Variants in FARP1 observed in about 807,000 individuals in gnomAD.
The protein encoded by FARP1 is FERM, ARH/RhoGEF and pleckstrin domain protein 1, also known as FERM, ARHGEF and pleckstrin domain-containing protein 1.
A neutral mutation model predicts 128.8 loss-of-function variants in FARP1; 52 were observed. The ratio of observed to expected loss-of-function variants is 0.40; its 90% CI spans 0.32 to 0.51. The LOEUF is 0.51. Among genes scored for constraint, FARP1 ranks in the 20% least tolerant of loss-of-function variants. The pLI is 0.45. For missense variants in FARP1, 1,333 were observed against 1,367.9 expected, an observed-to-expected ratio of 0.97 and a Z score of 0.40; for synonymous variants, 580 against 551.8, an observed-to-expected ratio of 1.05 and a Z score of -0.72.
rs143801985 is a variant in FARP1, at chr13:98,377,830, C to T, written c.408C>T (p.Phe136=). The change falls in exon 6 of 27, where the codon TTC becomes TTT. Residue 136 remains phenylalanine, a synonymous_variant. Transcript: ENST00000319562. ...CTGTTGATCTTCGCAGGTACCTGTT[C>T]GCGCTGCAGGTGAAGCAGGACTTGG... The part of the protein sequence containing the change: ...QLQEELTRYL[F]ALQVKQDLAQ... 675 of 1,613,540 alleles carry T rather than the reference C, an allele frequency of 4.2e-4. 1 individual carries two copies. Among genetic ancestry groups the T allele is most frequent in the African/African-American group, 3.7e-3 (280 of 75,008 alleles).
Position 98,207,907 on chromosome 13 carries a change from TCCAC to T in FARP1, c.-23-5312_-23-5309del, listed in dbSNP as rs1393525569. The stretch of plus-strand genomic sequence containing the variant: ...AATATACTGCTCCCCGACCACCACC[TCCAC>T]ACACACACACACACACACACACACA... On this transcript the variant is annotated intron_variant, in intron 1 of 26. Coordinates refer to ENST00000319562, the MANE Select transcript of FARP1 (RefSeq NM_005766.4). Among the ~76,000 whole-genome samples, 119 of 33,158 alleles carry T rather than the reference TCCAC, an allele frequency of 3.6e-3. 2 individuals are homozygous for T. Among genetic ancestry groups the T allele is most frequent in the African/African-American group, 0.014 (116 of 8,338 alleles). 21.8% of individuals were successfully genotyped at this position (33,158 alleles called of 152,430 possible). A position where few individuals can be genotyped will look rare whatever the true frequency, so the allele number is the denominator to read the frequency against.
chr13:98,433,638 G>C (rs1892134588), intron 18 of FARP1: 1 of 152,656 alleles, frequency 6.6e-6, no homozygotes, highest in African/African-American at 2.4e-5. Context: ...AGGATCGCAT[G>C]AGCCCAGGAG....
At chr13:98,289,939 A>T (rs1372202051) in intron 2 of FARP1, among the ~76,000 whole-genome samples, 1 of 152,168 alleles carries the variant, frequency 6.6e-6, no homozygotes, top group African/African-American at 2.4e-5. Context: ...GTTTTTGAAT[A>T]GGTTTCCTGA....
chr13:98,364,645 G>A (rs1251109526), intron 3 of FARP1, among the ~76,000 whole-genome samples: 2 of 152,148 alleles, frequency 1.3e-5, no homozygotes, highest in Admixed American at 1.3e-4. Context: ...AATTCAAGGG[G>A]GAGTTTAAAG....
intron 13 of FARP1, chr13:98,404,598 A>G (rs1890906822): frequency 6.6e-6 from 1 of 152,182 alleles, no homozygotes; most frequent in African/African-American, 2.4e-5. Context: ...GAAAACCTAC[A>G]TCTCTAATAT....
intron 2 of FARP1, among the ~76,000 whole-genome samples, chr13:98,286,708 G>C (rs905530770): frequency 4.1e-4 from 63 of 152,228 alleles, no homozygotes; most frequent in African/African-American, 1.4e-3. Flanking sequence ...CACCCTACTA[G>C]AGACAACACA....
chr13:98,343,149 C>A (rs748263596), intron 2 of FARP1, among the ~76,000 whole-genome samples: 2 of 152,066 alleles, frequency 1.3e-5, no homozygotes, highest in African/African-American at 2.4e-5. Context: ...CTGGGAAAGG[C>A]AAACTATAGA....
chr13:98,426,440 T>C (rs924189859), intron 17 of FARP1, among the ~76,000 whole-genome samples: 5 of 152,150 alleles, frequency 3.3e-5, no homozygotes, highest in Non-Finnish European at 7.4e-5. Context: ...CAGTGAGCCA[T>C]GATCGCGCCA....
rs1889042043 is a variant in FARP1 at position 98,365,398 on chromosome 13, T to G, written c.280T>G (p.Trp94Gly). Residue 94 changes from tryptophan to glycine, a missense_variant, in exon 4 of 27, where the codon TGG becomes GGG. Coordinates refer to ENST00000319562, the MANE Select transcript of FARP1 (RefSeq NM_005766.4). The stretch of plus-strand genomic sequence containing the variant: ...TCTGTTCTTTTTTCCCTTCTAGGTG[T>G]GGCTGGATCTCCTAAAACCCATTGT... ...EFPDHKKITV[W>G]LDLLKPIVKQ... The G allele has an allele frequency of 1.2e-6, 2 of 1,608,664 alleles. No homozygotes were observed. The highest frequency in any genetic ancestry group is 1.7e-6 in the Non-Finnish European group (2 of 1,175,252).
intron 1 of FARP1, among the ~76,000 whole-genome samples, chr13:98,191,788 C>T (rs1879245957): frequency 6.6e-6 from 1 of 152,058 alleles, no homozygotes; most frequent in African/African-American, 2.4e-5. Flanking sequence ...ACTAAAAATA[C>T]AAAAGTTAGC....
At chr13:98,317,897 T>TCC (rs1886793373) in intron 2 of FARP1, among the ~76,000 whole-genome samples, 1 of 151,086 alleles carries the variant, frequency 6.6e-6, no homozygotes, top group Admixed American at 6.6e-5. Flanking sequence ...TCTCTCTCTC[T>TCC]CCCTCCCTCC....
At chr13:98,204,909 C>CT (rs917812575) in intron 1 of FARP1, among the ~76,000 whole-genome samples, 3 of 151,968 alleles carry the variant, frequency 2.0e-5, no homozygotes, top group Non-Finnish European at 4.4e-5. Flanking sequence ...GATCATGCCA[C>CT]TGCTCTCTAG....
intron 2 of FARP1, among the ~76,000 whole-genome samples, chr13:98,276,982 A>G (rs1884683809): frequency 6.6e-6 from 1 of 152,238 alleles, no homozygotes; most frequent in Non-Finnish European, 1.5e-5. Flanking sequence ...TTTGATTGCA[A>G]AAGGTGATTG....
rs573983965 is a variant in FARP1 at position 98,417,058 on chromosome 13, G to GA, written c.1826+5025dup. Among the ~76,000 whole-genome samples, 17 of 152,324 alleles carry GA rather than the reference G, an allele frequency of 1.1e-4. No individual in the cohort carries two copies. In the East Asian group the frequency reaches 2.5e-3, roughly 22 times the overall value. On this transcript the variant is annotated intron_variant, in intron 16 of 26. Coordinates refer to ENST00000319562, the MANE Select transcript of FARP1 (RefSeq NM_005766.4). ...AAGGCTCTGTGAGACAGTGAGGAAG[G>GA]AGAGGGGAGGCCACCTAGAGTTTTG...
intron 2 of FARP1, among the ~76,000 whole-genome samples, chr13:98,286,916 T>C (rs1885196662): frequency 6.6e-6 from 1 of 152,198 alleles, no homozygotes; most frequent in African/African-American, 2.4e-5. Context: ...TCAGATTTTG[T>C]TTCCATGATA....
chr13:98,155,068 C>T (rs1441095017), intron 1 of FARP1, among the ~76,000 whole-genome samples: 9 of 152,194 alleles, frequency 5.9e-5, no homozygotes, highest in South Asian at 4.1e-4. Flanking sequence ...CAACTGGGGC[C>T]GGGCGTGGTG....
At chr13:98,443,103 C>CGGCCTG (rs1042043350) in intron 24 of FARP1, among the ~76,000 whole-genome samples, 5 of 152,358 alleles carry the variant, frequency 3.3e-5, no homozygotes, top group African/African-American at 9.6e-5. Flanking sequence ...GATCTAGCCC[C>CGGCCTG]GGCCTGGTGG....
At chr13:98,192,047 G>A (rs1345741168) in intron 1 of FARP1, among the ~76,000 whole-genome samples, 1 of 151,972 alleles carries the variant, frequency 6.6e-6, no homozygotes, top group Non-Finnish European at 1.5e-5. Flanking sequence ...TCCAGACACT[G>A]TGTATTCCTA....
In FARP1 at chr13:98,365,549, C is replaced by T. The variant is rs567570542; in HGVS notation, c.319+112C>T. ...AGCACTAGAAACACAAATTCTTCTA[C>T]CCCATAATTGCTTTTCATCATCGAC... On this transcript the variant is annotated intron_variant, in intron 4 of 26. Coordinates refer to ENST00000319562, the MANE Select transcript of FARP1 (RefSeq NM_005766.4). 13 of 678,164 alleles carry T rather than the reference C, an allele frequency of 1.9e-5. No homozygotes were observed. The South Asian group carries it at 3.2e-4, about 17-fold the overall frequency. 42.0% of individuals were successfully genotyped at this position (678,164 alleles called of 1,614,324 possible). A position where few individuals can be genotyped will look rare whatever the true frequency, so the allele number is the denominator to read the frequency against.
Sources: gnomAD v4.1 joint callset for allele counts (sites outside exome capture counted in the v4.1 genomes callset) on GRCh38, gnomAD v4.1.1 for gene constraint, MANE v1.5 for transcripts, NCBI Gene and HGNC (gene_info 2026-07-23, HGNC 2026-07-21) for gene names.